Variants in PTPRR observed in about 807,000 individuals in gnomAD.
PTPRR encodes the protein receptor-type tyrosine-protein phosphatase R.
A neutral mutation model predicts 77.2 loss-of-function variants in PTPRR; 38 were observed. The ratio of observed to expected loss-of-function variants is 0.49; its 90% CI spans 0.38 to 0.65. The LOEUF is 0.65. Among genes scored for constraint, PTPRR ranks in the 30% least tolerant of loss-of-function variants. The probability of loss-of-function intolerance (pLI) is 0.00; values close to 1 mark genes in which losing one functional copy is unlikely to be tolerated. For synonymous variants in PTPRR, 299 were observed against 283.1 expected (o/e 1.06, Z -0.57); for missense variants, 744 against 799.2 (o/e 0.93, Z 0.83).
chr12:70,677,233 T>C (rs913980050), intron 10 of PTPRR, among the ~76,000 whole-genome samples: 2 of 152,198 alleles, frequency 1.3e-5, no homozygotes, highest in Non-Finnish European at 2.9e-5. Context: ...ACCATTAGCA[T>C]ATACAAATGC....
intron 1 of PTPRR, among the ~76,000 whole-genome samples, chr12:70,902,853 C>A (rs765815694): frequency 2.0e-5 from 3 of 151,792 alleles, no homozygotes; most frequent in African/African-American, 7.2e-5. Flanking sequence ...ACCCATGTAA[C>A]AAAACACCCC....
intron 2 of PTPRR, among the ~76,000 whole-genome samples, chr12:70,838,964 T>C (rs1041477528): frequency 1.4e-4 from 22 of 152,126 alleles, no homozygotes; most frequent in Non-Finnish European, 7.4e-5. Flanking sequence ...CTTCCCTGAG[T>C]CCCTTGCAGC....
intron 6 of PTPRR, among the ~76,000 whole-genome samples, chr12:70,733,701 G>T (rs997649549): frequency 6.6e-6 from 1 of 151,828 alleles, no homozygotes; most frequent in Non-Finnish European, 1.5e-5. Flanking sequence ...ACTTTAAAGT[G>T]GTTTTTATAA....
intron 2 of PTPRR, among the ~76,000 whole-genome samples, chr12:70,766,596 T>TA (rs1221084567): frequency 6.6e-6 from 1 of 151,770 alleles, no homozygotes; most frequent in East Asian, 1.9e-4. Flanking sequence ...CTCTGCAGGA[T>TA]ATTATCCAGG....
chr12:70,658,892 T>G (rs1886686028), intron 12 of PTPRR, among the ~76,000 whole-genome samples: 9 of 132,786 alleles, frequency 6.8e-5, no homozygotes, highest in Admixed American at 3.0e-4. Flanking sequence ...AGTTTTTTTT[T>G]TTTTTTTTTT....
intron 2 of PTPRR, among the ~76,000 whole-genome samples, chr12:70,873,939 A>T (rs1227212932): frequency 1.3e-5 from 2 of 152,026 alleles, no homozygotes; most frequent in Admixed American, 1.3e-4. Context: ...GGAGATAGCC[A>T]CTCTATTCTA....
intron 6 of PTPRR, among the ~76,000 whole-genome samples, chr12:70,727,808 A>G (rs1206841080): frequency 6.6e-6 from 1 of 152,176 alleles, no homozygotes; most frequent in African/African-American, 2.4e-5. Context: ...GATCTACTTC[A>G]CCCTCAGGTC....
At chr12:70,829,377 GC>G (rs1892172237) in intron 2 of PTPRR, among the ~76,000 whole-genome samples, 1 of 152,184 alleles carries the variant, frequency 6.6e-6, no homozygotes, top group African/African-American at 2.4e-5. Flanking sequence ...CCCTGACCCT[GC>G]TTTGCCCTGG....
chr12:70,819,323 A>G (rs1335508709), intron 2 of PTPRR, among the ~76,000 whole-genome samples: 1 of 152,240 alleles, frequency 6.6e-6, no homozygotes, highest in African/African-American at 2.4e-5. Context: ...CAAACAAACA[A>G]GAAAGAATAA....
At chr12:70,649,614 C>T (rs191511678) in intron 13 of PTPRR, among the ~76,000 whole-genome samples, 34 of 152,274 alleles carry the variant, frequency 2.2e-4, no homozygotes, top group South Asian at 6.2e-4. Flanking sequence ...CTCACTCTCT[C>T]GCCCAGCCTG....
intron 4 of PTPRR, among the ~76,000 whole-genome samples, chr12:70,756,376 A>G (rs1345339525): frequency 6.6e-6 from 1 of 151,990 alleles, no homozygotes; most frequent in Non-Finnish European, 1.5e-5. Context: ...ACACTACTAT[A>G]TTTGTACAGA....
intron 2 of PTPRR, among the ~76,000 whole-genome samples, chr12:70,797,144 T>A (rs925108362): frequency 2.0e-5 from 3 of 152,218 alleles, no homozygotes; most frequent in African/African-American, 7.2e-5. Context: ...ATATACTGCT[T>A]GTTTTGTTTC....
intron 2 of PTPRR, among the ~76,000 whole-genome samples, chr12:70,771,513 G>T (rs1218366479): frequency 6.6e-6 from 1 of 151,994 alleles, no homozygotes; most frequent in Non-Finnish European, 1.5e-5. Context: ...TTCCCATGTC[G>T]CAAACCTGCA....
intron 5 of PTPRR, among the ~76,000 whole-genome samples, chr12:70,752,911 C>T (rs765062290): frequency 1.3e-5 from 2 of 152,170 alleles, no homozygotes; most frequent in Non-Finnish European, 2.9e-5. Flanking sequence ...TTTCCCAAAA[C>T]CTCCCACTTT....
Position 70,914,837 on chromosome 12 carries a change from G to GCAA in PTPRR, c.58+5493_58+5495dup, listed in dbSNP as rs906182882. Among the ~76,000 whole-genome samples the GCAA allele has an allele frequency of 1.1e-3, 164 of 151,288 alleles. 1 individual carries two copies. The highest frequency in any genetic ancestry group is 3.6e-3 in the African/African-American group (148 of 41,370). On this transcript the variant is annotated intron_variant, in intron 1 of 13. Coordinates refer to ENST00000283228, the MANE Select transcript of PTPRR (RefSeq NM_002849.4). ...GGCCCTGTCTCTAACAACAACAACA[G>GCAA]CAACAACAACAACAACAAAAACAAA...
intron 1 of PTPRR, among the ~76,000 whole-genome samples, chr12:70,900,226 A>C (rs1893507543): frequency 6.6e-6 from 1 of 151,524 alleles, no homozygotes; most frequent in East Asian, 1.9e-4. Flanking sequence ...AAAGTTAAAA[A>C]ATACTGCTCA....
intron 6 of PTPRR, among the ~76,000 whole-genome samples, chr12:70,720,404 G>A (rs1417694724): frequency 6.6e-6 from 1 of 152,042 alleles, no homozygotes; most frequent in African/African-American, 2.4e-5. Flanking sequence ...TACAGTACCT[G>A]GCATATAGCA....
intron 2 of PTPRR, among the ~76,000 whole-genome samples, chr12:70,873,793 A>G (rs1893001903): frequency 6.6e-6 from 1 of 152,114 alleles, no homozygotes. Context: ...GGTGGGTAAG[A>G]GAAAATACAT....
At chr12:70,778,540 A>G (rs1891137094) in intron 2 of PTPRR, among the ~76,000 whole-genome samples, 1 of 152,112 alleles carries the variant, frequency 6.6e-6, no homozygotes, top group Non-Finnish European at 1.5e-5. Context: ...TCATCTTTCT[A>G]TCTCAGCACA....
Sources: gnomAD v4.1 joint callset for allele counts (sites outside exome capture counted in the v4.1 genomes callset) on GRCh38, gnomAD v4.1.1 for gene constraint, MANE v1.5 for transcripts, NCBI Gene and HGNC (gene_info 2026-07-23, HGNC 2026-07-21) for gene names.